Variants in ADAM29 observed in about 807,000 individuals in gnomAD.
The protein encoded by ADAM29 is ADAM metallopeptidase domain 29, also known as disintegrin and metalloproteinase domain-containing protein 29.
For synonymous variants in ADAM29, 367 were observed against 342.3 expected, an observed-to-expected ratio of 1.07 and a Z score of -0.80; for missense variants, 969 against 1,001.8, an observed-to-expected ratio of 0.97 and a Z score of 0.44.
In ADAM29 at chr4:174,977,782, C is replaced by T. The variant is rs1359296423; in HGVS notation, c.2257C>T (p.Gln753Ter). 6.3e-7 allele frequency: 1 copy of T among 1,596,466 alleles called. No homozygotes were observed. Among genetic ancestry groups the T allele is most frequent in the South Asian group, 1.1e-5 (1 of 90,438 alleles). Residue 753 changes from glutamine (Q) to a stop codon, truncating the protein, a stop_gained, in exon 5 of 5, where the codon CAG becomes TAG. Transcript: ENST00000359240. LOFTEE classifies it low-confidence loss of function (END_TRUNC). ...TGTGACGCCTTCCCAGAGTCATCCT[C>T]AGGTGATGCCTTCCCAGAGTCAACC... The part of the protein sequence containing the change: ...PPVTPSQSHP[Q>*]VMPSQSQPPV...
At position 174,977,897 on chromosome 4, in the gene ADAM29, C is replaced by T. The variant is rs151303907; in HGVS notation, c.2372C>T (p.Thr791Met). Residue 791 changes from threonine (T) to methionine (M), a missense_variant, in exon 5 of 5, where the codon ACG becomes ATG. By Grantham distance (81) the Thr-to-Met change is moderately conservative. Coordinates refer to ENST00000359240, the MANE Select transcript of ADAM29 (RefSeq NM_014269.4). ...VMPSQSHPQL[T>M]PSQSQPPVTP... is the part of the protein sequence containing the mutation. ...CCTTCCCAGAGTCATCCTCAGTTGA[C>T]GCCTTCCCAGAGTCAACCTCCTGTG... 2.5e-5 allele frequency: 39 copies of T among 1,580,316 alleles called. No individual in the cohort carries two copies. Among genetic ancestry groups the T allele is most frequent in the African/African-American group, 1.4e-4 (10 of 69,882 alleles).
rs145728729 is a variant in ADAM29 at position 174,977,732 on chromosome 4, T to C, written c.2207T>C (p.Val736Ala). 1.1e-4 allele frequency: 170 copies of C among 1,604,542 alleles called. No individual in the cohort carries two copies. Among genetic ancestry groups the C allele is most frequent in the Middle Eastern group, 1.7e-4 (1 of 5,856 alleles). Residue 736 changes from valine (V) to alanine (A), a missense_variant, in exon 5 of 5, where the codon GTG becomes GCG. Transcript: ENST00000359240. ...HELPPQSQPW[V>A]MPSQSQPPVT... ...TTACCTCCCCAGAGTCAACCTTGGG[T>C]GATGCCTTCCCAGAGTCAACCTCCT...
chr4:174,948,573 C>A (rs1744985611), intron 4 of ADAM29, among the ~76,000 whole-genome samples: 1 of 152,158 alleles, frequency 6.6e-6, no homozygotes, highest in African/African-American at 2.4e-5. Flanking sequence ...CTAGCCACAA[C>A]ACTCCAATTT....
At chr4:174,952,493 C>T (rs1208598640) in intron 4 of ADAM29, among the ~76,000 whole-genome samples, 1 of 152,014 alleles carries the variant, frequency 6.6e-6, no homozygotes, top group East Asian at 1.9e-4. Context: ...TAGTCAGGAC[C>T]AGAAGATTTC....
intron 3 of ADAM29, among the ~76,000 whole-genome samples, chr4:174,935,621 G>A (rs550877524): frequency 2.0e-5 from 3 of 152,172 alleles, no homozygotes; most frequent in East Asian, 1.9e-4. Flanking sequence ...TTACGAAATA[G>A]GCAAGTTAAT....
chr4:174,950,893 T>C (rs1167739303), intron 4 of ADAM29, among the ~76,000 whole-genome samples: 1 of 152,096 alleles, frequency 6.6e-6, no homozygotes, highest in Non-Finnish European at 1.5e-5. Flanking sequence ...TCTCTTTCTC[T>C]CTTTGTCTCT....
Position 174,975,641 on chromosome 4 carries a change from T to C in ADAM29, c.116T>C (p.Ile39Thr), listed in dbSNP as rs1457588902. 12 of 1,612,928 alleles carry C rather than the reference T, an allele frequency of 7.4e-6. No homozygotes were observed. The highest frequency in any genetic ancestry group is 2.2e-5 in the East Asian group (1 of 44,894). Residue 39 changes from isoleucine to threonine, a missense_variant, in exon 5 of 5, where the codon ATA (isoleucine) becomes ACA (threonine). Coordinates refer to ENST00000359240, the MANE Select transcript of ADAM29 (RefSeq NM_014269.4). ...SPPDVVIPVR[I>T]TGTTRGMTPP... ...CCGGATGTGGTGATTCCTGTGAGGATAACTGGCACCACCAGAGGCATGACA... is the reference window on the plus strand; with the variant it reads ...CCGGATGTGGTGATTCCTGTGAGGACAACTGGCACCACCAGAGGCATGACA...
At chr4:174,944,625 AC>A (rs1263785213) in intron 4 of ADAM29, among the ~76,000 whole-genome samples, 1 of 152,054 alleles carries the variant, frequency 6.6e-6, no homozygotes, top group African/African-American at 2.4e-5. Context: ...TTATTTTGTC[AC>A]CCAGGTAGTA....
chr4:174,945,708 T>C (rs1388976778), intron 4 of ADAM29, among the ~76,000 whole-genome samples: 2 of 152,142 alleles, frequency 1.3e-5, no homozygotes, highest in Non-Finnish European at 2.9e-5. Context: ...ATATTATGCA[T>C]GTGACTAGCC....
Position 174,977,528 on chromosome 4 carries a change from C to T in ADAM29, c.2003C>T (p.Pro668Leu), listed in dbSNP as rs1560900500. Residue 668 changes from proline to leucine, a missense_variant, in exon 5 of 5, where the codon CCT becomes CTT. Coordinates refer to ENST00000359240, the MANE Select transcript of ADAM29 (RefSeq NM_014269.4). ...GGTAGTGTTGACAGTGGCCCACCCC[C>T]TAAGAGAAAGAAGAAAAAGAAGTTC... Reference protein sequence around the residue: ...YGGSVDSGPPPKRKKKKKFCY... With the variant: ...YGGSVDSGPPLKRKKKKKFCY... The T allele has an allele frequency of 9.9e-6, 16 of 1,614,162 alleles. No individual in the cohort carries two copies. The highest frequency in any genetic ancestry group is 1.4e-5 in the Non-Finnish European group (16 of 1,180,016).
At chr4:174,949,948 A>C (rs1222712862) in intron 4 of ADAM29, among the ~76,000 whole-genome samples, 1 of 151,196 alleles carries the variant, frequency 6.6e-6, no homozygotes, top group African/African-American at 2.4e-5. Context: ...CTACATATAA[A>C]CCCCAAATTT....
At chr4:174,928,069 T>C (rs1055369107) in intron 2 of ADAM29, among the ~76,000 whole-genome samples, 1 of 152,188 alleles carries the variant, frequency 6.6e-6, no homozygotes, top group East Asian at 1.9e-4. Context: ...GGATTCCAAA[T>C]CAGTTTGTCT....
At position 174,924,580 on chromosome 4, in the gene ADAM29, T is replaced by C. The variant is rs542806652; in HGVS notation, c.-451+3788T>C. On this transcript the variant is annotated intron_variant, in intron 2 of 4. Transcript: ENST00000359240. Reference sequence around the variant, plus strand: ...CACAAGATAGCCTTCAGTATGCTAATGAATAAACAAACTACGACATATCAA... The same window carrying C: ...CACAAGATAGCCTTCAGTATGCTAACGAATAAACAAACTACGACATATCAA... Among the ~76,000 whole-genome samples, 6 of 152,312 alleles carry C rather than the reference T, an allele frequency of 3.9e-5. No homozygotes were observed. The East Asian group carries it at 1.2e-3, about 29-fold the overall frequency.
intron 3 of ADAM29, among the ~76,000 whole-genome samples, chr4:174,934,918 T>A (rs925982109): frequency 6.6e-6 from 1 of 152,178 alleles, no homozygotes; most frequent in Non-Finnish European, 1.5e-5. Flanking sequence ...TAGAAAGCTG[T>A]GAACTAAAGC....
intron 4 of ADAM29, among the ~76,000 whole-genome samples, chr4:174,967,012 T>C (rs1265001577): frequency 1.3e-5 from 2 of 152,182 alleles, no homozygotes; most frequent in Non-Finnish European, 2.9e-5. Context: ...TGTACATACT[T>C]GTATAGAAAA....
intron 4 of ADAM29, among the ~76,000 whole-genome samples, chr4:174,960,211 C>A (rs1034153011): frequency 3.3e-5 from 5 of 151,784 alleles, no homozygotes; most frequent in Non-Finnish European, 5.9e-5. Context: ...GAATAATATA[C>A]CTAGGCTACT....
intron 4 of ADAM29, among the ~76,000 whole-genome samples, chr4:174,946,274 A>G (rs1744844764): frequency 6.6e-6 from 1 of 152,016 alleles, no homozygotes; most frequent in Non-Finnish European, 1.5e-5. Flanking sequence ...GAATGGGATT[A>G]TGTTCTTGAT....
chr4:174,955,661 C>CTTATT (rs10685446), intron 4 of ADAM29, among the ~76,000 whole-genome samples: 63,208 of 151,382 alleles, frequency 0.42, 13,685 homozygotes, highest in African/African-American at 0.53. Flanking sequence ...TGTAATTACA[C>CTTATT]TTAAGATCCC....
intron 4 of ADAM29, 111 bp from the exon 5 acceptor site, chr4:174,975,235 T>G (rs1396411971): frequency 3.5e-6 from 1 of 282,418 alleles, no homozygotes; most frequent in East Asian, 6.1e-5. Flanking sequence ...ATGAAAGCAC[T>G]AATCACTTTT....
Sources: allele counts gnomAD v4.1 joint callset (sites outside exome capture counted in the v4.1 genomes callset), GRCh38; gene constraint gnomAD v4.1.1; transcripts MANE v1.5; gene names NCBI Gene and HGNC (gene_info 2026-07-23, HGNC 2026-07-21).